DLGAP1: variants seen among roughly 807,000 people sequenced by gnomAD.
The protein encoded by DLGAP1 is DLG associated protein 1.
In DLGAP1, 11 loss-of-function variants were observed where a neutral mutation model predicts 90.8. The observed-to-expected ratio is 0.12, with a 90% confidence interval of 0.08 to 0.20. DLGAP1 has a LOEUF of 0.20. Ranked by LOEUF, DLGAP1 falls within the 10% of genes least tolerant of loss-of-function variation. The pLI is 1.00. For missense variants in DLGAP1, 1,050 were observed against 1,333.8 expected, an observed-to-expected ratio of 0.79 and a Z score of 3.31; for synonymous variants, 558 against 540.7, an observed-to-expected ratio of 1.03 and a Z score of -0.44.
chr18:4,443,657 A>G (rs2083591187), intron 1 of DLGAP1, among the ~76,000 whole-genome samples: 1 of 152,230 alleles, frequency 6.6e-6, no homozygotes, highest in African/African-American at 2.4e-5. Flanking sequence ...CCTTTGGAAC[A>G]CAACCTATCT....
chr18:3,557,313 A>G (rs2053813273), intron 9 of DLGAP1, among the ~76,000 whole-genome samples: 1 of 152,102 alleles, frequency 6.6e-6, no homozygotes, highest in African/African-American at 2.4e-5. Context: ...CAAGGTCAGG[A>G]GTTTGACACC....
chr18:3,499,141 G>C lies in DLGAP1; in HGVS notation c.*44C>G. On this transcript the variant is annotated 3_prime_UTR_variant, in exon 13 of 13. Coordinates refer to ENST00000315677, the MANE Select transcript of DLGAP1 (RefSeq NM_004746.4). The surrounding 1 kb of genome is among the most constrained non-coding windows in gnomAD (Gnocchi z 6.4). ...AGCCGGCAGAGGAGCGGCCGGGGGAGGAGGGGACAGATGCTTGGCGGCGGC... is the reference window on the plus strand; with the variant it reads ...AGCCGGCAGAGGAGCGGCCGGGGGACGAGGGGACAGATGCTTGGCGGCGGC... 6.7e-7 allele frequency: 1 copy of C among 1,486,184 alleles called. No homozygotes were observed. The highest frequency in any genetic ancestry group is 8.9e-7 in the Non-Finnish European group (1 of 1,120,490). 92.1% of individuals were successfully genotyped at this position (1,486,184 alleles called of 1,614,324 possible).
intron 2 of DLGAP1, among the ~76,000 whole-genome samples, chr18:4,097,941 T>A (rs189776283): frequency 6.6e-6 from 1 of 152,280 alleles, no homozygotes; most frequent in East Asian, 1.9e-4. Context: ...TGAGACAGGA[T>A]CTCACTCTGT....
chr18:4,269,355 T>TATATA (rs1491301485), intron 1 of DLGAP1, among the ~76,000 whole-genome samples: 1 of 100,404 alleles, frequency 1.0e-5, no homozygotes, highest in Admixed American at 1.0e-4. Flanking sequence ...TATATATATA[T>TATATA]TTTTTTTTTT....
intron 1 of DLGAP1, among the ~76,000 whole-genome samples, chr18:4,186,195 A>T (rs1411722477): frequency 6.6e-6 from 1 of 152,076 alleles, no homozygotes; most frequent in African/African-American, 2.4e-5. Context: ...TCGGATGCAT[A>T]GTTTCCAAAT....
chr18:3,584,091 A>C (rs535146573), intron 7 of DLGAP1, among the ~76,000 whole-genome samples: 1 of 152,268 alleles, frequency 6.6e-6, no homozygotes, highest in East Asian at 1.9e-4. Flanking sequence ...GGTTTTGAAG[A>C]AGCTTTACAC....
At chr18:3,890,125 C>A (rs1461738781) in intron 3 of DLGAP1, among the ~76,000 whole-genome samples, 2 of 152,206 alleles carry the variant, frequency 1.3e-5, no homozygotes, top group African/African-American at 4.8e-5. Context: ...GAACCTCCAC[C>A]ACTGTGGTCT....
chr18:3,675,364 C>T (rs895082779), intron 7 of DLGAP1, among the ~76,000 whole-genome samples: 2 of 152,192 alleles, frequency 1.3e-5, no homozygotes, highest in Non-Finnish European at 2.9e-5. Flanking sequence ...TGTGCTCCAC[C>T]GTACCCAGCC....
intron 4 of DLGAP1, among the ~76,000 whole-genome samples, chr18:3,839,896 G>A (rs16945492): frequency 0.13 from 20,161 of 152,074 alleles, 1,416 homozygotes; most frequent in Admixed American, 0.16. Context: ...AGGACATTCC[G>A]CCATCTGCTC....
chr18:4,325,819 T>C (rs998376634), intron 1 of DLGAP1, among the ~76,000 whole-genome samples: 1 of 152,038 alleles, frequency 6.6e-6, no homozygotes, highest in African/African-American at 2.4e-5. Context: ...ATGCATTAGA[T>C]TGAAACTGAA....
At chr18:4,149,468 T>G (rs906310895) in intron 2 of DLGAP1, among the ~76,000 whole-genome samples, 3 of 152,226 alleles carry the variant, frequency 2.0e-5, no homozygotes, top group Non-Finnish European at 4.4e-5. Flanking sequence ...GCTGGCTCCC[T>G]GCATTATGTC....
At chr18:4,041,706 T>C (rs1406814149) in intron 2 of DLGAP1, among the ~76,000 whole-genome samples, 2 of 152,160 alleles carry the variant, frequency 1.3e-5, no homozygotes, top group Non-Finnish European at 2.9e-5. Flanking sequence ...AAGAAAAAAC[T>C]CATTAGTTCC....
intron 2 of DLGAP1, among the ~76,000 whole-genome samples, chr18:4,053,995 A>T (rs1200930130): frequency 6.6e-6 from 1 of 152,148 alleles, no homozygotes; most frequent in Non-Finnish European, 1.5e-5. Context: ...TGGTCTTATA[A>T]CTCTTTAATT....
chr18:4,323,499 T>TTTGTATCCCCA (rs1336236819), intron 1 of DLGAP1, among the ~76,000 whole-genome samples: 1 of 152,194 alleles, frequency 6.6e-6, no homozygotes, highest in Non-Finnish European at 1.5e-5. Context: ...CTTTGCAGCA[T>TTTGTATCCCCA]TGTTCACAAC....
At chr18:4,056,541 C>T (rs2075219912) in intron 2 of DLGAP1, among the ~76,000 whole-genome samples, 1 of 152,096 alleles carries the variant, frequency 6.6e-6, no homozygotes, top group South Asian at 2.1e-4. Flanking sequence ...ATTGGTCTTC[C>T]TTGGATAGTA....
intron 1 of DLGAP1, among the ~76,000 whole-genome samples, chr18:4,423,399 T>C (rs2083084188): frequency 6.6e-6 from 1 of 152,200 alleles, no homozygotes; most frequent in African/African-American, 2.4e-5. Context: ...AAAATTTTCG[T>C]AATTCACTGT....
intron 1 of DLGAP1, among the ~76,000 whole-genome samples, chr18:4,235,618 T>C (rs624911): frequency 0.53 from 81,171 of 151,790 alleles, 22,239 homozygotes; most frequent in East Asian, 0.87. Context: ...TCTTATTTGA[T>C]TGAAAATACA....
intron 1 of DLGAP1, among the ~76,000 whole-genome samples, chr18:4,164,093 T>C (rs1233327935): frequency 6.6e-6 from 1 of 152,080 alleles, no homozygotes; most frequent in East Asian, 1.9e-4. Context: ...CACTGAAAAC[T>C]AAACTGCCAT....
At chr18:3,874,398 AT>A in intron 4 of DLGAP1, 1 of 1,447,630 alleles carries the variant, frequency 6.9e-7, no homozygotes, top group Non-Finnish European at 9.1e-7. Flanking sequence ...GTTTGAAGGG[AT>A]TTTTCTTTTA....
Sources: gnomAD v4.1 joint callset for allele counts (sites outside exome capture counted in the v4.1 genomes callset) on GRCh38, gnomAD v4.1.1 for gene constraint, Gnocchi (gnomAD v3.1) non-coding constraint, MANE v1.5 for transcripts, NCBI Gene and HGNC (gene_info 2026-07-23, HGNC 2026-07-21) for gene names.